Variants in UBLCP1 observed in about 807,000 individuals in gnomAD.
The protein encoded by UBLCP1 is ubiquitin like domain containing CTD phosphatase 1.
UBLCP1 carries 28 observed loss-of-function variants against 42.4 expected under a neutral mutation model. The ratio of observed to expected loss-of-function variants is 0.66; its 90% CI spans 0.49 to 0.90. The LOEUF is 0.90. Ranked by LOEUF, UBLCP1 falls within the 40% of genes least tolerant of loss-of-function variation. The probability of loss-of-function intolerance (pLI) is 0.00; values close to 1 mark genes in which losing one functional copy is unlikely to be tolerated. For synonymous variants in UBLCP1, 122 were observed against 120.8 expected (o/e 1.01, Z -0.07); for missense variants, 279 against 374.5 (o/e 0.75, Z 2.10).
At chr5:159,272,654 T>C (rs1419118921) in intron 6 of UBLCP1, among the ~76,000 whole-genome samples, 1 of 152,226 alleles carries the variant, frequency 6.6e-6, no homozygotes, top group Non-Finnish European at 1.5e-5. Context: ...AAAAGGTGTT[T>C]AAAACAAAAT....
At chr5:159,281,716 A>G (rs1753608924) in intron 9 of UBLCP1, among the ~76,000 whole-genome samples, 1 of 151,792 alleles carries the variant, frequency 6.6e-6, no homozygotes, top group African/African-American at 2.4e-5. Flanking sequence ...AGTATGTAAA[A>G]AATACTTAAA....
At position 159,285,133 on chromosome 5, in the gene UBLCP1, A is replaced by G. The variant is rs1753656335; in HGVS notation, c.*202A>G. On this transcript the variant is annotated 3_prime_UTR_variant, in exon 11 of 11. Transcript: ENST00000296786. ...TAAAAAATGCTTGTCCCCTATATGA[A>G]TATTCTGTTACGCTTGAAAAATATT... 1 of 533,092 alleles carries G rather than the reference A, an allele frequency of 1.9e-6. No homozygotes were observed. The highest frequency in any genetic ancestry group is 3.3e-6 in the Non-Finnish European group (1 of 300,446). 33.0% of individuals were successfully genotyped at this position (533,092 alleles called of 1,614,324 possible).
chr5:159,275,308 GT>G, intron 8 of UBLCP1, 62 bp downstream of exon 8: 2 of 1,235,010 alleles, frequency 1.6e-6, no homozygotes, highest in Admixed American at 3.7e-5. Context: ...TACTTTTTAT[GT>G]TTATACCTAT....
rs774091708 is a variant in UBLCP1, at chr5:159,272,037, G to A, written c.463G>A (p.Ala155Thr). ...TTTTCTTTTAGACCACAGGTCTTGT[G>A]CAGAGACTGGGGTAGAATTAATGCG... ...DYTLFDHRSC[A>T]ETGVELMRPY... The change falls in exon 6 of 11, where the codon GCA becomes ACA. Residue 155 changes from alanine (A) to threonine (T), a missense_variant. Ala to Thr is a moderately conservative substitution (Grantham distance 58). Coordinates refer to ENST00000296786, the MANE Select transcript of UBLCP1 (RefSeq NM_145049.5). The A allele has an allele frequency of 1.2e-6, 2 of 1,612,778 alleles. No homozygotes were observed. Among genetic ancestry groups the A allele is most frequent in the African/African-American group, 1.3e-5 (1 of 74,890 alleles).
chr5:159,275,016 AGTT>A lies in UBLCP1; in HGVS notation c.586-128_586-126del, dbSNP rs1753515799. ...GCTAAGTGAAACTAAAATACTTCCT[AGTT>A]GTTTAGCAAGATGTAGTGGCCAGTG... On this transcript the variant is annotated intron_variant, in intron 7 of 10. Coordinates refer to ENST00000296786, the MANE Select transcript of UBLCP1 (RefSeq NM_145049.5). The A allele has an allele frequency of 6.9e-6, 5 of 721,760 alleles. No homozygotes were observed. The Admixed American group carries it at 1.3e-4, about 19-fold the overall frequency. The allele number at this position is 721,760 out of a possible 1,614,324, so 44.7% of individuals were successfully genotyped here.
chr5:159,264,041 G>A (rs778841689), intron 1 of UBLCP1, among the ~76,000 whole-genome samples: 10 of 152,164 alleles, frequency 6.6e-5, no homozygotes, highest in Non-Finnish European at 1.5e-4. Flanking sequence ...AACACCATTT[G>A]TATTGTGTTT....
intron 9 of UBLCP1, among the ~76,000 whole-genome samples, 173 bp downstream of exon 9, chr5:159,278,527 TTGA>T (rs1753565418): frequency 6.6e-6 from 1 of 152,200 alleles, no homozygotes; most frequent in African/African-American, 2.4e-5. Flanking sequence ...CTTTTTTGCA[TTGA>T]TGTCTCCATA....
At chr5:159,273,375 A>G (rs1227791746) in intron 6 of UBLCP1, among the ~76,000 whole-genome samples, 1 of 152,158 alleles carries the variant, frequency 6.6e-6, no homozygotes, top group African/African-American at 2.4e-5. Context: ...AGTTCATTGA[A>G]AAGAGTACTT....
intron 1 of UBLCP1, among the ~76,000 whole-genome samples, chr5:159,264,892 G>T (rs1158102072): frequency 7.9e-5 from 12 of 152,190 alleles, no homozygotes; most frequent in Admixed American, 5.9e-4. Flanking sequence ...GCACTACTAC[G>T]CATCACAATA....
In UBLCP1 at chr5:159,269,469, T is replaced by C. The variant is rs182992181; in HGVS notation, c.154+400T>C. Among the ~76,000 whole-genome samples the C allele has an allele frequency of 7.2e-5, 11 of 152,336 alleles. No individual in the cohort carries two copies. The East Asian group carries it at 1.5e-3, about 21-fold the overall frequency. On this transcript the variant is annotated intron_variant, in intron 2 of 10. Transcript: ENST00000296786. ...CAAAAGTAAAGACAACATTTAAAAA[T>C]TACAGGCAGCATTCATATCCAGTTT...
chr5:159,274,404 C>A, intron 6 of UBLCP1, 181 bp from the exon 7 acceptor site: 1 of 498,210 alleles, frequency 2.0e-6, no homozygotes, highest in South Asian at 3.3e-5. Context: ...GTCTTGAAGA[C>A]ACACTGCAGT....
At chr5:159,275,870 A>T (rs1753529649) in intron 8 of UBLCP1, among the ~76,000 whole-genome samples, 2 of 152,214 alleles carry the variant, frequency 1.3e-5, no homozygotes, top group Admixed American at 6.5e-5. Context: ...ATCAAGGAAG[A>T]TACTAGAAAC....
intron 9 of UBLCP1, among the ~76,000 whole-genome samples, chr5:159,282,782 AAAAAT>A (rs994499853): frequency 3.3e-5 from 5 of 152,146 alleles, no homozygotes; most frequent in African/African-American, 9.6e-5. Flanking sequence ...AATTTAATAG[AAAAAT>A]AAAATAAAAA....
chr5:159,268,931 A>G lies in UBLCP1; in HGVS notation c.16A>G (p.Ile6Val), dbSNP rs769085396. 4 of 1,609,168 alleles carry G rather than the reference A, an allele frequency of 2.5e-6. No individual in the cohort carries two copies. The South Asian group carries it at 4.5e-5, about 18-fold the overall frequency. The change falls in exon 2 of 11, where the codon ATT becomes GTT. Residue 6 changes from isoleucine to valine, a missense_variant. Transcript: ENST00000296786. ...TGTTTCAAGAATGGCTCTCCCTATC[A>G]TTGTAAAATGGGGTGGACAGGAGTA... Reference protein sequence around the residue: MALPIIVKWGGQEYSV... With the variant: MALPIVVKWGGQEYSV...
intron 9 of UBLCP1, among the ~76,000 whole-genome samples, chr5:159,282,091 T>C (rs558760538): frequency 1.2e-4 from 18 of 152,288 alleles, no homozygotes; most frequent in African/African-American, 4.1e-4. Flanking sequence ...TAAATTAGCT[T>C]ATTAATTCAT....
intron 1 of UBLCP1, among the ~76,000 whole-genome samples, chr5:159,268,595 A>G (rs1753425751): frequency 6.6e-6 from 1 of 152,352 alleles, no homozygotes; most frequent in East Asian, 1.9e-4. Flanking sequence ...CAAATAGAAC[A>G]GGAGGAATGG....
At chr5:159,269,601 G>A (rs1753438827) in intron 2 of UBLCP1, among the ~76,000 whole-genome samples, 1 of 152,024 alleles carries the variant, frequency 6.6e-6, no homozygotes, top group Admixed American at 6.6e-5. Context: ...AAGGCTTCCT[G>A]GAAAACAGTA....
In UBLCP1 at chr5:159,270,514, A is replaced by T. The variant is rs368541412; in HGVS notation, c.333-14A>T. 69 of 1,606,556 alleles carry T rather than the reference A, an allele frequency of 4.3e-5. No individual in the cohort carries two copies. The highest frequency in any genetic ancestry group is 4.3e-6 in the Non-Finnish European group (5 of 1,176,068). On this transcript the variant is annotated splice_polypyrimidine_tract_variant and intron_variant, in intron 4 of 10. Transcript: ENST00000296786. ...ACAAGTGAATATTTTATCTAATTAT[A>T]TGTTTTCCATTAGGGAAGAAAACCT...
chr5:159,274,542 C>A, intron 6 of UBLCP1, 43 bp from the exon 7 acceptor site: 3 of 1,547,476 alleles, frequency 1.9e-6, no homozygotes, highest in South Asian at 2.4e-5. Context: ...TAAAGAAATT[C>A]AAGCTTTTCA....
Sources: gnomAD v4.1 joint callset for allele counts (sites outside exome capture counted in the v4.1 genomes callset) on GRCh38, gnomAD v4.1.1 for gene constraint, MANE v1.5 for transcripts, NCBI Gene and HGNC (gene_info 2026-07-23, HGNC 2026-07-21) for gene names.